The following TRAM1 variants were observed in gnomAD, a reference collection of about 807,000 sequenced individuals.
TRAM1 encodes translocation associated membrane protein 1.
A neutral mutation model predicts 48.7 loss-of-function variants in TRAM1; 17 were observed. The ratio of observed to expected loss-of-function variants is 0.35; its 90% confidence interval spans 0.24 to 0.52. The LOEUF is 0.52. Ranked by LOEUF, TRAM1 falls within the 20% of genes least tolerant of loss-of-function variation. The probability of loss-of-function intolerance (pLI) is 0.94; values close to 1 mark genes in which losing one functional copy is unlikely to be tolerated. For missense variants in TRAM1, 351 were observed against 441.5 expected, an observed-to-expected ratio of 0.79 and a Z score of 1.84; for synonymous variants, 182 against 154.0, an observed-to-expected ratio of 1.18 and a Z score of -1.34.
Position 70,608,069 on chromosome 8 carries a change from G to A in TRAM1, c.123+8C>T. 6.3e-7 allele frequency: 1 copy of A among 1,590,414 alleles called. No homozygotes were observed. Among genetic ancestry groups the A allele is most frequent in the Non-Finnish European group, 8.5e-7 (1 of 1,170,000 alleles). ...GGGGCAGGCGGTTGGGACTCGGGGC[G>A]GGCTCACCTCAAACATGAGCCCCAG... On this transcript the variant is annotated splice_region_variant and intron_variant, in intron 1 of 10. Transcript: ENST00000262213.
rs114918894 is a variant in TRAM1, at chr8:70,582,273, T to C, written c.1051+891A>G. ...AATATCCCAGCAACTTTTGTGGAAA[T>C]TGACCAGGTTGTATAATTTTTTTTT... is the stretch of plus-strand genomic sequence containing the variant. On this transcript the variant is annotated intron_variant, in intron 10 of 10. Transcript: ENST00000262213. Among the ~76,000 whole-genome samples the C allele has an allele frequency of 2.8e-3, 431 of 151,910 alleles. 1 individual carries two copies. Among genetic ancestry groups the C allele is most frequent in the African/African-American group, 0.01 (418 of 41,378 alleles).
chr8:70,607,759 C>T (rs930443924), intron 1 of TRAM1: 1 of 190,670 alleles, frequency 5.2e-6, no homozygotes, highest in African/African-American at 2.3e-5. Flanking sequence ...CGTAACCCTT[C>T]GCGGGAACCA....
chr8:70,596,645 A>G (rs1474844736), intron 4 of TRAM1, among the ~76,000 whole-genome samples: 1 of 152,166 alleles, frequency 6.6e-6, no homozygotes, highest in Non-Finnish European at 1.5e-5. Context: ...AACAGTGACC[A>G]GGAGAGAAGA....
At chr8:70,590,180 T>C (rs1447177240) in intron 6 of TRAM1, among the ~76,000 whole-genome samples, 1 of 150,544 alleles carries the variant, frequency 6.6e-6, no homozygotes, top group Non-Finnish European at 1.5e-5. Flanking sequence ...AAAACTATAA[T>C]GTAATGTAAC....
At chr8:70,595,647 AAC>A (rs1563388105) in intron 5 of TRAM1, among the ~76,000 whole-genome samples, 1 of 152,170 alleles carries the variant, frequency 6.6e-6, no homozygotes, top group South Asian at 2.1e-4. Context: ...ACAATTATAG[AAC>A]AATCAAAACA....
chr8:70,608,310 G>A lies in TRAM1; in HGVS notation c.-111C>T. 1.0e-5 allele frequency: 14 copies of A among 1,388,024 alleles called. No homozygotes were observed. Among genetic ancestry groups the A allele is most frequent in the Non-Finnish European group, 1.3e-5 (14 of 1,058,092 alleles). 86.0% of individuals were successfully genotyped at this position (1,388,024 alleles called of 1,614,324 possible). On this transcript the variant is annotated 5_prime_UTR_variant, in exon 1 of 11. Coordinates refer to ENST00000262213, the MANE Select transcript of TRAM1 (RefSeq NM_014294.6). ...GGCTGCTCCTCACGGCCCCGCTGCA[G>A]CCGCTCGCTGGGGCTTCACTTCCCA...
chr8:70,608,218 G>C lies in TRAM1; in HGVS notation c.-19C>G, dbSNP rs201586623. 19 of 1,578,084 alleles carry C rather than the reference G, an allele frequency of 1.2e-5. No homozygotes were observed. Among genetic ancestry groups the C allele is most frequent in the Non-Finnish European group, 1.6e-5 (19 of 1,165,866 alleles). On this transcript the variant is annotated 5_prime_UTR_variant, in exon 1 of 11. Coordinates refer to ENST00000262213, the MANE Select transcript of TRAM1 (RefSeq NM_014294.6). ...TCGCCATGGTGGGGCCGCCGCCCGC[G>C]CCTGCAGGTGCTCCGCCCCGGTTCT...
At chr8:70,607,915 G>A (rs111565405) in intron 1 of TRAM1, 162 bp downstream of exon 1, 10 of 810,572 alleles carry the variant, frequency 1.2e-5, no homozygotes, top group South Asian at 1.2e-4. Flanking sequence ...CCGCCGACGT[G>A]GGGCAGGGCA....
intron 10 of TRAM1, among the ~76,000 whole-genome samples, chr8:70,582,674 G>A (rs1003649355): frequency 6.6e-6 from 1 of 151,840 alleles, no homozygotes; most frequent in South Asian, 2.1e-4. Flanking sequence ...CTGTAATATC[G>A]ATGCATTTTC....
At chr8:70,584,157 C>T (rs1372508758) in intron 8 of TRAM1, among the ~76,000 whole-genome samples, 1 of 152,134 alleles carries the variant, frequency 6.6e-6, no homozygotes, top group Non-Finnish European at 1.5e-5. Flanking sequence ...AGATATAACA[C>T]ATATTAGCCT....
intron 10 of TRAM1, among the ~76,000 whole-genome samples, chr8:70,578,259 C>T (rs528178269): frequency 1.3e-5 from 2 of 152,278 alleles, no homozygotes; most frequent in South Asian, 4.1e-4. Context: ...CAGGCATGCA[C>T]CACGATGCCT....
Position 70,597,892 on chromosome 8 carries a change from TAC to T in TRAM1, c.426+1_426+2del. The T allele has an allele frequency of 6.3e-7, 1 of 1,587,994 alleles. No homozygotes were observed. The highest frequency in any genetic ancestry group is 8.6e-7 in the Non-Finnish European group (1 of 1,164,326). Reference sequence around the variant, plus strand: ...GAACAACAACCTAAGAGGACATACTTACAGAGATGAGAATGAATGTGCCCCAA... The same window carrying T: ...GAACAACAACCTAAGAGGACATACTTAGAGATGAGAATGAATGTGCCCCAA... On this transcript the variant is annotated splice_donor_variant, in intron 4 of 10. Transcript: ENST00000262213. LOFTEE classifies it high-confidence loss of function.
At chr8:70,597,805 A>C in intron 4 of TRAM1, 90 bp downstream of exon 4, 1 of 955,664 alleles carries the variant, frequency 1.0e-6, no homozygotes, top group Non-Finnish European at 1.5e-6. Context: ...CAGATTTATC[A>C]CTGAAACTCT....
intron 2 of TRAM1, among the ~76,000 whole-genome samples, chr8:70,599,481 A>C (rs1302730238): frequency 6.6e-6 from 1 of 152,256 alleles, no homozygotes; most frequent in Non-Finnish European, 1.5e-5. Flanking sequence ...TTAAGAAATA[A>C]GATTTTTGAA....
intron 10 of TRAM1, among the ~76,000 whole-genome samples, chr8:70,577,081 C>G (rs1189632841): frequency 6.6e-6 from 1 of 152,170 alleles, no homozygotes; most frequent in East Asian, 1.9e-4. Context: ...GTGCTATAGC[C>G]CTTTTAGTCC....
At position 70,583,777 on chromosome 8, in the gene TRAM1, C is replaced by T. The variant is rs1563381819; in HGVS notation, c.763G>A (p.Val255Ile). The part of the protein sequence containing the change: ...KYQKGFSLWA[V>I]LFVLGRLLTL... ...AGAAGTCTTCCCAAAACAAAAAGAA[C>T]TGCCCACAGAGAAAATCTGCAAGAA... Residue 255 changes from valine to isoleucine, a missense_variant, in exon 9 of 11, where the codon GTT becomes ATT. Physicochemically the swap from Val to Ile is conservative, Grantham distance 29. Coordinates refer to ENST00000262213, the MANE Select transcript of TRAM1 (RefSeq NM_014294.6). The T allele has an allele frequency of 6.4e-7, 1 of 1,557,688 alleles. No individual in the cohort carries two copies. The highest frequency in any genetic ancestry group is 1.7e-4 in the Middle Eastern group (1 of 5,796).
In TRAM1 at chr8:70,583,812, A is replaced by G. The variant is rs1163565736; in HGVS notation, c.747-19T>C. ...AGAAAATCTGCAAGAAAAAGGCCGT[A>G]AGTCAAATTCCTGAAATCTCAAAAA... On this transcript the variant is annotated intron_variant, in intron 8 of 10. Coordinates refer to ENST00000262213, the MANE Select transcript of TRAM1 (RefSeq NM_014294.6). 2.6e-6 allele frequency: 4 copies of G among 1,524,408 alleles called. No homozygotes were observed. The East Asian group carries it at 9.7e-5, about 37-fold the overall frequency. 94.4% of individuals were successfully genotyped at this position (1,524,408 alleles called of 1,614,324 possible).
At chr8:70,604,834 C>T (rs1180166752) in intron 1 of TRAM1, among the ~76,000 whole-genome samples, 1 of 152,058 alleles carries the variant, frequency 6.6e-6, no homozygotes, top group Non-Finnish European at 1.5e-5. Context: ...CTTGTGAACC[C>T]CTAATTCTTC....
intron 1 of TRAM1, among the ~76,000 whole-genome samples, chr8:70,606,678 C>T (rs1817726344): frequency 1.3e-5 from 2 of 152,140 alleles, no homozygotes; most frequent in Admixed American, 1.3e-4. Flanking sequence ...TAGTTTCCTT[C>T]TACCTACCCT....
Sources: gnomAD v4.1 joint callset for allele counts (sites outside exome capture counted in the v4.1 genomes callset) on GRCh38, gnomAD v4.1.1 for gene constraint, MANE v1.5 for transcripts, NCBI Gene and HGNC (gene_info 2026-07-23, HGNC 2026-07-21) for gene names.